Variants in ATRN observed in about 807,000 individuals in gnomAD.
The protein encoded by ATRN is attractin-2.
In ATRN, 54 loss-of-function variants were observed where a neutral mutation model predicts 178.7. The observed-to-expected ratio is 0.30, with a 90% CI of 0.24 to 0.38. The LOEUF is 0.38. Ranked by LOEUF, ATRN falls within the 10% of genes least tolerant of loss-of-function variation. ATRN has a pLI of 1.00. For synonymous variants in ATRN, 636 were observed against 663.0 expected (o/e 0.96, Z 0.63); for missense variants, 1,443 against 1,815.1 (o/e 0.79, Z 3.73).
intron 11 of ATRN, among the ~76,000 whole-genome samples, chr20:3,568,292 A>C (rs890606295): frequency 1.3e-5 from 2 of 150,598 alleles, no homozygotes; most frequent in African/African-American, 4.9e-5. Context: ...ACTGTGTCAA[A>C]AAAAAAAAAA....
chr20:3,593,973 G>T (rs762616311), intron 19 of ATRN, among the ~76,000 whole-genome samples: 1 of 152,112 alleles, frequency 6.6e-6, no homozygotes, highest in Non-Finnish European at 1.5e-5. Context: ...CCCCTAAAGC[G>T]CTGACCTTGG....
intron 6 of ATRN, among the ~76,000 whole-genome samples, chr20:3,558,007 C>T (rs235581): frequency 0.75 from 114,498 of 152,086 alleles, 43,546 homozygotes; most frequent in East Asian, 1. Flanking sequence ...AAAATTAACA[C>T]CAATGGATTC....
intron 8 of ATRN, 123 bp downstream of exon 8, chr20:3,561,028 G>A (rs1176843667): frequency 1.5e-6 from 2 of 1,296,600 alleles, no homozygotes; most frequent in Non-Finnish European, 2.1e-6. Context: ...TTGAAACATA[G>A]TAAACACTGG....
intron 24 of ATRN, among the ~76,000 whole-genome samples, chr20:3,619,354 C>G (rs1280752506): frequency 6.6e-6 from 1 of 152,212 alleles, no homozygotes; most frequent in Non-Finnish European, 1.5e-5. Flanking sequence ...GGTGTCTTAC[C>G]TTCTGAAAAG....
intron 1 of ATRN, chr20:3,490,811 C>T: frequency 1.2e-6 from 1 of 802,342 alleles, no homozygotes; most frequent in Non-Finnish European, 2.3e-6. Flanking sequence ...TGAGTTCCTC[C>T]TTTCATAATC....
chr20:3,504,390 T>TC (rs2085007819), intron 1 of ATRN, among the ~76,000 whole-genome samples: 1 of 151,488 alleles, frequency 6.6e-6, no homozygotes, highest in South Asian at 2.1e-4. Context: ...TAATAGACTG[T>TC]CGCAGGCCGG....
chr20:3,540,150 G>T, intron 2 of ATRN, 72 bp from the exon 3 acceptor site: 1 of 880,874 alleles, frequency 1.1e-6, no homozygotes. Flanking sequence ...TTAAAAATCT[G>T]AATTTTTATA....
chr20:3,629,356 A>C (rs927096030), intron 25 of ATRN: 4 of 946,366 alleles, frequency 4.2e-6, no homozygotes, highest in Non-Finnish European at 5.0e-6. Context: ...TTCTGCTACC[A>C]GGACCATCTC....
intron 7 of ATRN, among the ~76,000 whole-genome samples, chr20:3,559,721 A>C (rs2146219323): frequency 6.6e-6 from 1 of 152,366 alleles, no homozygotes; most frequent in Middle Eastern, 3.4e-3. Flanking sequence ...CTAAATGGTT[A>C]AAGATGTAGA....
intron 22 of ATRN, among the ~76,000 whole-genome samples, chr20:3,599,352 T>A (rs1347255434): frequency 6.6e-6 from 1 of 152,204 alleles, no homozygotes; most frequent in Non-Finnish European, 1.5e-5. Flanking sequence ...ATAAATATAG[T>A]AGAATCTTTG....
intron 1 of ATRN, among the ~76,000 whole-genome samples, chr20:3,485,821 C>A (rs1187349221): frequency 6.6e-6 from 1 of 151,612 alleles, no homozygotes; most frequent in Non-Finnish European, 1.5e-5. Flanking sequence ...GGGGTTTCAC[C>A]ATGTCGGTCA....
At position 3,545,855 on chromosome 20, in the gene ATRN, T is replaced by C. The variant is rs552430991; in HGVS notation, c.702T>C (p.Ala234=). ...CCTTGCTGCATTTTTTTAGTGATGC[T>C]GCTTATAATTTGACTGGATTTAATA... ...GYALLHFFSD[A]AYNLTGFNIT... is the part of the protein sequence containing the mutation. Residue 234 remains alanine, a synonymous_variant, in exon 4 of 29, where the codon GCT becomes GCC. Transcript: ENST00000262919. 3.7e-6 allele frequency: 6 copies of C among 1,613,992 alleles called. No homozygotes were observed. The South Asian group carries it at 6.6e-5, about 18-fold the overall frequency.
intron 1 of ATRN, among the ~76,000 whole-genome samples, chr20:3,477,636 C>T (rs2084547393): frequency 7.3e-6 from 1 of 137,650 alleles, no homozygotes. Flanking sequence ...AATGTAAGTT[C>T]CATGAGGGCA....
intron 7 of ATRN, 100 bp from the exon 8 acceptor site, chr20:3,560,562 C>A: frequency 9.3e-7 from 1 of 1,077,746 alleles, no homozygotes; most frequent in African/African-American, 1.6e-5. Flanking sequence ...CTTGACTAAC[C>A]TTTTTTAAGC....
chr20:3,634,496 A>C, intron 26 of ATRN, 107 bp downstream of exon 26: 1 of 943,562 alleles, frequency 1.1e-6, no homozygotes, highest in Non-Finnish European at 1.6e-6. Context: ...GGACAGACAG[A>C]CATCTCCACG....
intron 1 of ATRN, among the ~76,000 whole-genome samples, chr20:3,517,483 T>C (rs2085221577): frequency 6.6e-6 from 1 of 151,932 alleles, no homozygotes; most frequent in Non-Finnish European, 1.5e-5. Flanking sequence ...CCATTGCTTT[T>C]ACAATGAGAA....
chr20:3,514,724 C>T (rs1451684246), intron 1 of ATRN, among the ~76,000 whole-genome samples: 1 of 152,060 alleles, frequency 6.6e-6, no homozygotes, highest in African/African-American at 2.4e-5. Context: ...CTTTGGGAGG[C>T]TGAGGTGGGA....
intron 20 of ATRN, among the ~76,000 whole-genome samples, chr20:3,595,729 G>A (rs1433523998): frequency 6.6e-6 from 1 of 152,172 alleles, no homozygotes; most frequent in East Asian, 1.9e-4. Context: ...TGGCTAAAGG[G>A]ACACAGCATA....
intron 27 of ATRN, among the ~76,000 whole-genome samples, chr20:3,642,942 A>G (rs1212262557): frequency 6.6e-6 from 1 of 152,226 alleles, no homozygotes; most frequent in Non-Finnish European, 1.5e-5. Context: ...TCCCTGGTTT[A>G]GAGATGGAGT....
Sources: allele counts gnomAD v4.1 joint callset (sites outside exome capture counted in the v4.1 genomes callset), GRCh38; gene constraint gnomAD v4.1.1; transcripts MANE v1.5; gene names NCBI Gene and HGNC (gene_info 2026-07-23, HGNC 2026-07-21).